Variants in SYNE3 observed in about 807,000 individuals in gnomAD.
SYNE3 encodes nesprin-3.
A neutral mutation model predicts 111.2 loss-of-function variants in SYNE3; 100 were observed. The ratio of observed to expected loss-of-function variants is 0.90; its 90% confidence interval spans 0.77 to 1.06. The LOEUF is 1.06. Ranked by LOEUF, SYNE3 falls within the 50% of genes least tolerant of loss-of-function variation. The pLI, the probability that SYNE3 is intolerant of heterozygous loss-of-function variation, is 0.00. For synonymous variants in SYNE3, 547 were observed against 533.9 expected (o/e 1.02, Z -0.34); for missense variants, 1,160 against 1,240.3 (o/e 0.94, Z 0.97).
At chr14:95,457,924 A>G (rs1243540911) in intron 4 of SYNE3, among the ~76,000 whole-genome samples, 1 of 152,160 alleles carries the variant, frequency 6.6e-6, no homozygotes, top group Non-Finnish European at 1.5e-5. Flanking sequence ...TCCATTACAC[A>G]ACAGTGTCCA....
intron 1 of SYNE3, among the ~76,000 whole-genome samples, chr14:95,478,927 C>A (rs901377161): frequency 2.0e-5 from 3 of 152,092 alleles, no homozygotes; most frequent in Admixed American, 6.5e-5. Context: ...GCTAAGTGAC[C>A]CCACCGGCAC....
At chr14:95,481,716 G>A (rs1337441762) in intron 1 of SYNE3, among the ~76,000 whole-genome samples, 1 of 152,230 alleles carries the variant, frequency 6.6e-6, no homozygotes, top group Non-Finnish European at 1.5e-5. Context: ...AAATAGATGT[G>A]TGGGCCCCCA....
At position 95,439,177 on chromosome 14, in the gene SYNE3, T is replaced by G; in HGVS notation, c.2247-15A>C. On this transcript the variant is annotated splice_polypyrimidine_tract_variant and intron_variant, in intron 13 of 17. Transcript: ENST00000682763. ...TTCTGATGAGGCTGAGAAGACAAAC[T>G]CAGCCCAGTCAATGCAGAGATGTGG... 2 of 1,614,042 alleles carry G rather than the reference T, an allele frequency of 1.2e-6. No homozygotes were observed. Among genetic ancestry groups the G allele is most frequent in the Non-Finnish European group, 1.7e-6 (2 of 1,179,968 alleles).
chr14:95,442,945 A>C (rs1389740596), intron 11 of SYNE3, among the ~76,000 whole-genome samples: 2 of 152,196 alleles, frequency 1.3e-5, no homozygotes, highest in Non-Finnish European at 2.9e-5. Context: ...TGCTACCTCC[A>C]TCCTTAGGGC....
At chr14:95,431,947 C>T (rs912591770) in intron 17 of SYNE3, 132 bp downstream of exon 17, 37 of 1,028,542 alleles carry the variant, frequency 3.6e-5, no homozygotes, top group Non-Finnish European at 5.0e-5. Flanking sequence ...CAGAGTTGAT[C>T]CCCCATAAAT....
At chr14:95,456,355 G>A (rs146489288) in intron 5 of SYNE3, among the ~76,000 whole-genome samples, 335 of 152,322 alleles carry the variant, frequency 2.2e-3, no homozygotes, top group Non-Finnish European at 3.4e-3. Flanking sequence ...TGAAAAGTGG[G>A]GAGCCCACGT....
In SYNE3 at chr14:95,413,342, C is replaced by G. The variant is rs78855157; in HGVS notation, c.*4484G>C. ...CATCACCTCTGGCCTTTGACTCCCT[C>G]TGGCCCACTTCCCCGTCCGCCCTCT... is the stretch of plus-strand genomic sequence containing the variant. On this transcript the variant is annotated 3_prime_UTR_variant, in exon 18 of 18. Transcript: ENST00000682763. 0.16 allele frequency: 23,682 copies of G among 152,402 alleles called. 2,194 individuals are homozygous for G. The highest frequency in any genetic ancestry group is 0.26 in the East Asian group (1,369 of 5,182). The allele number at this position is 152,402 out of a possible 1,614,324, so 9.4% of individuals were successfully genotyped here.
chr14:95,441,407 A>G (rs1231401801), intron 11 of SYNE3, among the ~76,000 whole-genome samples: 1 of 152,226 alleles, frequency 6.6e-6, no homozygotes, highest in Non-Finnish European at 1.5e-5. Context: ...GTGATCTCCA[A>G]CATCAGATAC....
chr14:95,411,321 CAAAAAAA>C lies in SYNE3; in HGVS notation c.*6498_*6504del, dbSNP rs5810723. 6 of 137,980 alleles carry C rather than the reference CAAAAAAA, an allele frequency of 4.3e-5. No homozygotes were observed. Among genetic ancestry groups the C allele is most frequent in the Admixed American group, 1.4e-4 (2 of 13,944 alleles). 8.5% of individuals were successfully genotyped at this position (137,980 alleles called of 1,614,324 possible). A position where few individuals can be genotyped will look rare whatever the true frequency, so the allele number is the denominator to read the frequency against. On this transcript the variant is annotated 3_prime_UTR_variant, in exon 18 of 18. Transcript: ENST00000682763. Reference sequence around the variant, plus strand: ...GAACATCCTAATTTTAACATAAATTCAAAAAAAAAAAAAGAAAAAAGAAAAGGAGACC... The same window carrying C: ...GAACATCCTAATTTTAACATAAATTCAAAAAAGAAAAAAGAAAAGGAGACC...
rs762269580 is a variant in SYNE3, at chr14:95,417,992, C to T, written c.2762G>A (p.Arg921Gln). The T allele has an allele frequency of 4.3e-6, 7 of 1,611,970 alleles. No homozygotes were observed. The highest frequency in any genetic ancestry group is 1.7e-5 in the Admixed American group (1 of 60,016). ...RRWRGLGSLF[R>Q]RACCVALPLQ... ...TGGGAGCGCCACACAGCACGCCCTC[C>T]GGAAGAGGGAGCCCAGTCCTCGCCA... Residue 921 changes from arginine (R) to glutamine (Q), a missense_variant, in exon 18 of 18, where the codon CGG becomes CAG. By Grantham distance (43) the Arg-to-Gln change is conservative (BLOSUM62 1). Transcript: ENST00000682763.
rs373063050 is a variant in SYNE3, at chr14:95,511,789, C to G, written c.-15+4807G>C. 1.1e-4 allele frequency among the ~76,000 whole-genome samples: 17 copies of G among 152,102 alleles called. No individual in the cohort carries two copies. In the East Asian group the frequency reaches 2.5e-3, roughly 22 times the overall value. ...TCAGTTTAATCTCAGGTATACTTCC[C>G]GTCTCTCTCCCTGAGTGCCCTAAGG... is the stretch of plus-strand genomic sequence containing the variant. On this transcript the variant is annotated intron_variant, in intron 1 of 17. Coordinates refer to ENST00000682763, the MANE Select transcript of SYNE3 (RefSeq NM_152592.6).
At chr14:95,472,471 T>A (rs1888586290) in intron 2 of SYNE3, among the ~76,000 whole-genome samples, 1 of 152,224 alleles carries the variant, frequency 6.6e-6, no homozygotes, top group African/African-American at 2.4e-5. Context: ...CAGGGACACT[T>A]GGTATGCTGT....
intron 2 of SYNE3, among the ~76,000 whole-genome samples, chr14:95,471,740 G>A (rs970885425): frequency 1.3e-5 from 2 of 152,224 alleles, no homozygotes; most frequent in African/African-American, 4.8e-5. Context: ...GGAGTGCTTG[G>A]CAAGGTCTGC....
intron 1 of SYNE3, among the ~76,000 whole-genome samples, chr14:95,483,142 G>A: frequency 6.6e-6 from 1 of 152,178 alleles, no homozygotes; most frequent in East Asian, 1.9e-4. Context: ...GTCACACTGT[G>A]CCCGCTCACT....
chr14:95,476,076 T>A (rs1368320358), intron 1 of SYNE3, among the ~76,000 whole-genome samples: 2 of 152,238 alleles, frequency 1.3e-5, no homozygotes, highest in African/African-American at 2.4e-5. Flanking sequence ...CTGCTTTGTC[T>A]TTGGCCTCTC....
chr14:95,497,752 C>A (rs186106341), intron 1 of SYNE3, among the ~76,000 whole-genome samples: 1 of 126,818 alleles, frequency 7.9e-6, no homozygotes, highest in South Asian at 2.4e-4. Flanking sequence ...AATAAATGAG[C>A]ATGACTGCGT....
rs1250910816 is a variant in SYNE3 at position 95,470,820 on chromosome 14, T to A, written c.145-2853A>T. On this transcript the variant is annotated intron_variant, in intron 2 of 17. Transcript: ENST00000682763. This position sits in a 1 kb window ranked among gnomAD's most constrained non-coding sequence, Gnocchi z 4.2. ...TGAAAATACAAAAATTAGCCGGGCATGGTGGCGCACACCTGTGATCCTAGC... is the reference window on the plus strand; with the variant it reads ...TGAAAATACAAAAATTAGCCGGGCAAGGTGGCGCACACCTGTGATCCTAGC... Among the ~76,000 whole-genome samples the A allele has an allele frequency of 1.3e-5, 2 of 151,614 alleles. No homozygotes were observed. The highest frequency in any genetic ancestry group is 4.8e-5 in the African/African-American group (2 of 41,260).
intron 3 of SYNE3, 54 bp from the exon 4 acceptor site, chr14:95,466,294 G>T (rs1888172131): frequency 6.6e-7 from 1 of 1,517,038 alleles, no homozygotes; most frequent in Non-Finnish European, 8.8e-7. Flanking sequence ...TGCCTCCTGG[G>T]TCGGGGGTCT....
At chr14:95,508,424 C>T (rs1487454648) in intron 1 of SYNE3, among the ~76,000 whole-genome samples, 1 of 152,188 alleles carries the variant, frequency 6.6e-6, no homozygotes, top group Non-Finnish European at 1.5e-5. Context: ...GATGGCTGGG[C>T]TCTGGACAGA....
Sources: gnomAD v4.1 joint callset for allele counts (sites outside exome capture counted in the v4.1 genomes callset) on GRCh38, gnomAD v4.1.1 for gene constraint, Gnocchi (gnomAD v3.1) non-coding constraint, MANE v1.5 for transcripts, NCBI Gene and HGNC (gene_info 2026-07-23, HGNC 2026-07-21) for gene names.